The following DNAJC5B variants were observed in gnomAD, a reference collection of about 807,000 sequenced individuals.
The protein encoded by DNAJC5B is DnaJ heat shock protein family (Hsp40) member C5 beta, also known as dnaJ homolog subfamily C member 5B.
Under a neutral mutation model 24.7 loss-of-function variants are expected in DNAJC5B, and 23 were observed. The ratio of observed to expected loss-of-function variants is 0.93; its 90% CI spans 0.67 to 1.32. DNAJC5B has a LOEUF of 1.32. Among genes scored for constraint, DNAJC5B ranks in the 40% most tolerant of loss-of-function variants. The pLI, the probability that DNAJC5B is intolerant of heterozygous loss-of-function variation, is 0.00. For missense variants in DNAJC5B, 238 were observed against 240.8 expected, an observed-to-expected ratio of 0.99 and a Z score of 0.08; for synonymous variants, 101 against 90.1, an observed-to-expected ratio of 1.12 and a Z score of -0.68.
At chr8:66,024,582 C>T (rs1308020831) in intron 1 of DNAJC5B, among the ~76,000 whole-genome samples, 2 of 93,634 alleles carry the variant, frequency 2.1e-5, no homozygotes, top group Non-Finnish European at 4.1e-5. Context: ...CCCCCTCCCC[C>T]GACCCCACCA....
rs532885286 is a variant in DNAJC5B, at chr8:66,027,662, A to G, written c.-142+5957A>G. On this transcript the variant is annotated intron_variant, in intron 1 of 5. Coordinates refer to ENST00000276570, the MANE Select transcript of DNAJC5B (RefSeq NM_033105.6). ...GAAGACCAGTATTTTCGTCCTTTCA[A>G]GTATATTTAGAATGCAAAATCATTA... is the stretch of plus-strand genomic sequence containing the variant. Among the ~76,000 whole-genome samples, 3 of 152,346 alleles carry G rather than the reference A, an allele frequency of 2.0e-5. No homozygotes were observed. The South Asian group carries it at 6.2e-4, about 32-fold the overall frequency.
At chr8:66,056,678 A>T (rs1222929430) in intron 3 of DNAJC5B, 1 of 152,200 alleles carries the variant, frequency 6.6e-6, no homozygotes, top group Non-Finnish European at 1.5e-5. Flanking sequence ...AAAACAACTT[A>T]AATAGAACCC....
chr8:66,046,501 T>C (rs1292997647), intron 2 of DNAJC5B, among the ~76,000 whole-genome samples: 1 of 152,214 alleles, frequency 6.6e-6, no homozygotes, highest in Non-Finnish European at 1.5e-5. Context: ...TTGTAAAGTA[T>C]CTTAGAAATG....
intron 4 of DNAJC5B, among the ~76,000 whole-genome samples, chr8:66,079,082 T>C (rs1807534760): frequency 6.6e-6 from 1 of 152,336 alleles, no homozygotes; most frequent in Middle Eastern, 3.4e-3. Context: ...ACTGACTTTT[T>C]ATAACTTCAC....
intron 5 of DNAJC5B, among the ~76,000 whole-genome samples, chr8:66,099,036 T>TCTCACA (rs1808015926): frequency 1.4e-5 from 2 of 146,156 alleles, no homozygotes; most frequent in Non-Finnish European, 1.5e-5. Flanking sequence ...TCTCTCTCTG[T>TCTCACA]CACACACACA....
chr8:66,057,305 C>G (rs1806987152), intron 3 of DNAJC5B: 1 of 151,916 alleles, frequency 6.6e-6, no homozygotes, highest in South Asian at 2.1e-4. Flanking sequence ...AATAATAAAA[C>G]TAACTGGATG....
chr8:66,029,297 T>C (rs1396620195), intron 1 of DNAJC5B, among the ~76,000 whole-genome samples: 2 of 152,176 alleles, frequency 1.3e-5, no homozygotes, highest in African/African-American at 4.8e-5. Context: ...GTGTAAAGAC[T>C]CAGAGGACAG....
At chr8:66,068,452 T>C (rs1292984284) in intron 3 of DNAJC5B, among the ~76,000 whole-genome samples, 1 of 151,600 alleles carries the variant, frequency 6.6e-6, no homozygotes, top group Non-Finnish European at 1.5e-5. Flanking sequence ...GACTAGAAGA[T>C]AGCTTAGAAG....
upstream of DNAJC5B, among the ~76,000 whole-genome samples, chr8:66,018,498 A>G (rs895255474): frequency 1.3e-5 from 2 of 152,182 alleles, no homozygotes; most frequent in South Asian, 4.1e-4. Context: ...CAGCCTGGGC[A>G]ACAGAGTGAG....
intron 1 of DNAJC5B, among the ~76,000 whole-genome samples, chr8:66,034,089 T>G (rs777102273): frequency 1.2e-4 from 18 of 152,140 alleles, no homozygotes; most frequent in Non-Finnish European, 7.4e-5. Context: ...ACACTTGCCC[T>G]GCCTACCTGT....
chr8:66,096,169 T>C (rs887328488), intron 5 of DNAJC5B, among the ~76,000 whole-genome samples: 1 of 152,156 alleles, frequency 6.6e-6, no homozygotes, highest in Non-Finnish European at 1.5e-5. Flanking sequence ...ACCCCTCTTC[T>C]TGTTTTGTAG....
intron 1 of DNAJC5B, among the ~76,000 whole-genome samples, chr8:66,026,583 C>T (rs73239290): frequency 8.5e-5 from 13 of 152,382 alleles, no homozygotes; most frequent in East Asian, 3.9e-4. Flanking sequence ...ATCTCCGACA[C>T]GCGCAGGACA....
intron 1 of DNAJC5B, among the ~76,000 whole-genome samples, chr8:66,034,047 TCA>T (rs140183293): frequency 0.055 from 8,375 of 152,206 alleles, 335 homozygotes; most frequent in Middle Eastern, 0.1. Flanking sequence ...CCTCTGAGCC[TCA>T]GTTTCTTGAT....
intron 5 of DNAJC5B, among the ~76,000 whole-genome samples, chr8:66,084,420 A>C (rs1043086703): frequency 3.9e-5 from 6 of 152,314 alleles, no homozygotes; most frequent in South Asian, 4.1e-4. Context: ...TCTGAAGTTT[A>C]ATTCAAAAAT....
At chr8:66,080,825 A>G (rs531534031) in intron 5 of DNAJC5B, among the ~76,000 whole-genome samples, 6 of 152,318 alleles carry the variant, frequency 3.9e-5, no homozygotes, top group Admixed American at 2.6e-4. Context: ...TCTCATTACA[A>G]GAGAGTGAGC....
chr8:66,034,176 T>TTGTGTGTGTGTGTGTGTGTGTGTGTG (rs60916429), intron 1 of DNAJC5B, among the ~76,000 whole-genome samples: 4 of 144,300 alleles, frequency 2.8e-5, no homozygotes, highest in Non-Finnish European at 6.0e-5. Context: ...TGTTGTTGTT[T>TTGTGTGTGTGTGTGTGTGTGTGTGTG]TGTGTGTGTG....
chr8:66,033,032 T>C (rs548499107), intron 1 of DNAJC5B, among the ~76,000 whole-genome samples: 1 of 152,282 alleles, frequency 6.6e-6, no homozygotes, highest in South Asian at 2.1e-4. Context: ...AATCGGAGAC[T>C]CAGGAGAGCA....
intron 3 of DNAJC5B, among the ~76,000 whole-genome samples, chr8:66,074,606 G>C (rs1807420786): frequency 6.6e-6 from 1 of 152,206 alleles, no homozygotes; most frequent in Non-Finnish European, 1.5e-5. Flanking sequence ...GTCACTTTAA[G>C]TATCAATGTA....
chr8:66,031,923 C>G (rs1183487076), intron 1 of DNAJC5B, among the ~76,000 whole-genome samples: 1 of 152,228 alleles, frequency 6.6e-6, no homozygotes, highest in Non-Finnish European at 1.5e-5. Flanking sequence ...CAAGTTGACA[C>G]ATAAAATTAA....
Sources: allele counts gnomAD v4.1 joint callset (sites outside exome capture counted in the v4.1 genomes callset), GRCh38; gene constraint gnomAD v4.1.1; transcripts MANE v1.5; gene names NCBI Gene and HGNC (gene_info 2026-07-23, HGNC 2026-07-21).